The following TMEM200A variants were observed in gnomAD, a reference collection of about 807,000 sequenced individuals.
TMEM200A encodes the protein transmembrane protein 200A.
TMEM200A carries 12 observed loss-of-function variants against 24.3 expected under a neutral mutation model. That is an observed-to-expected ratio of 0.49 (90% CI 0.32 to 0.80). The LOEUF is 0.80. Ranked by LOEUF, TMEM200A falls within the 30% of genes least tolerant of loss-of-function variation. TMEM200A has a pLI of 0.04. For missense variants in TMEM200A, 545 were observed against 614.4 expected (o/e 0.89, Z 1.19); for synonymous variants, 224 against 224.4 (o/e 1.00, Z 0.02).
At chr6:130,399,607 A>G in intron 2 of TMEM200A, among the ~76,000 whole-genome samples, 1 of 145,358 alleles carries the variant, frequency 6.9e-6, no homozygotes, top group East Asian at 1.9e-4. Context: ...ATAGTATACT[A>G]TTTTCTACTT....
rs149163353 is a variant in TMEM200A at position 130,387,540 on chromosome 6, T to C, written c.-17+2304T>C. The stretch of plus-strand genomic sequence containing the variant: ...CGCCTGCCTCGGCCTCCCAAAGTGC[T>C]GGGATTACAGGCATGAGTCACCACA... On this transcript the variant is annotated intron_variant, in intron 2 of 2. Transcript: ENST00000296978. Among the ~76,000 whole-genome samples the C allele has an allele frequency of 3.8e-3, 580 of 152,364 alleles. 6 individuals are homozygous for C. The highest frequency in any genetic ancestry group is 0.013 in the African/African-American group (545 of 41,590).
chr6:130,419,351 T>C (rs183272948), intron 2 of TMEM200A, among the ~76,000 whole-genome samples: 33 of 152,338 alleles, frequency 2.2e-4, no homozygotes, highest in Non-Finnish European at 4.6e-4. Context: ...TCCATATCTT[T>C]GCTATTGTGA....
intron 1 of TMEM200A, among the ~76,000 whole-genome samples, chr6:130,374,418 G>GTT (rs760281727): frequency 1.3e-4 from 11 of 81,898 alleles, no homozygotes; most frequent in African/African-American, 8.7e-4. Context: ...TTTTGTTTTT[G>GTT]TTTTTTTTTT....
At chr6:130,383,865 C>G (rs150664014) in intron 1 of TMEM200A, among the ~76,000 whole-genome samples, 7 of 152,172 alleles carry the variant, frequency 4.6e-5, no homozygotes, top group African/African-American at 1.4e-4. Context: ...TGCCTGTAAT[C>G]CCAGCACTTT....
chr6:130,436,548 G>A (rs528573580), intron 2 of TMEM200A, among the ~76,000 whole-genome samples: 4 of 145,796 alleles, frequency 2.7e-5, no homozygotes, highest in Non-Finnish European at 6.0e-5. Context: ...TGTACCAATT[G>A]GCATTACAGT....
chr6:130,440,679 A>C lies in TMEM200A; in HGVS notation c.257A>C (p.Gln86Pro). 2.5e-6 allele frequency: 4 copies of C among 1,613,778 alleles called. No homozygotes were observed. Among genetic ancestry groups the C allele is most frequent in the Middle Eastern group, 1.7e-4 (1 of 6,058 alleles). ...IAMAVLGYWP[Q>P]KEHFIDAETT... ...ATGGCCGTTCTTGGATATTGGCCCC[A>C]AAAAGAACATTTTATTGATGCTGAA... Residue 86 changes from glutamine (Q) to proline (P), a missense_variant, in exon 3 of 3, where the codon CAA (glutamine) becomes CCA (proline). Gln to Pro is a moderately conservative substitution (Grantham distance 76). Transcript: ENST00000296978.
At chr6:130,413,477 G>T (rs553599875) in intron 2 of TMEM200A, among the ~76,000 whole-genome samples, 3 of 152,096 alleles carry the variant, frequency 2.0e-5, no homozygotes, top group African/African-American at 7.2e-5. Context: ...TTCTTCCTAC[G>T]CTCAGTCTTC....
At position 130,441,053 on chromosome 6, in the gene TMEM200A, G is replaced by T. The variant is rs13215027; in HGVS notation, c.631G>T (p.Ala211Ser). The T allele has an allele frequency of 3.1e-6, 5 of 1,613,798 alleles. No homozygotes were observed. The African/African-American group carries it at 4.0e-5, about 13-fold the overall frequency. ...CTCGAGATTGGCAGCAAATACGATCGCCTCTTTCTCGGGTTTTCGGAGCAG... is the reference window on the plus strand; with the variant it reads ...CTCGAGATTGGCAGCAAATACGATCTCCTCTTTCTCGGGTTTTCGGAGCAG... ...CASRLAANTI[A>S]SFSGFRSSFR... The change falls in exon 3 of 3, where the codon GCC becomes TCC. Residue 211 changes from alanine (A) to serine (S), a missense_variant. Ala to Ser is a moderately conservative substitution (Grantham distance 99). Coordinates refer to ENST00000296978, the MANE Select transcript of TMEM200A (RefSeq NM_001258277.2).
In TMEM200A at chr6:130,440,658, C is replaced by T; in HGVS notation, c.236C>T (p.Ala79Val). The change falls in exon 3 of 3, where the codon GCC becomes GTC. Residue 79 changes from alanine to valine, a missense_variant. Ala to Val is a moderately conservative substitution (Grantham distance 64). Coordinates refer to ENST00000296978, the MANE Select transcript of TMEM200A (RefSeq NM_001258277.2). Reference sequence around the variant, plus strand: ...ATCTCCATTATAGGAATTGCTATGGCCGTTCTTGGATATTGGCCCCAAAAA... The same window carrying T: ...ATCTCCATTATAGGAATTGCTATGGTCGTTCTTGGATATTGGCCCCAAAAA... ...VLISIIGIAM[A>V]VLGYWPQKEH... The T allele has an allele frequency of 1.2e-6, 2 of 1,613,836 alleles. No individual in the cohort carries two copies. The highest frequency in any genetic ancestry group is 1.7e-6 in the Non-Finnish European group (2 of 1,179,738).
At chr6:130,371,386 G>T (rs905595689) in intron 1 of TMEM200A, among the ~76,000 whole-genome samples, 1 of 152,126 alleles carries the variant, frequency 6.6e-6, no homozygotes. Context: ...AGGTTATGAG[G>T]CCATTAAGCA....
chr6:130,378,337 C>T (rs913868216), intron 1 of TMEM200A, among the ~76,000 whole-genome samples: 1 of 151,746 alleles, frequency 6.6e-6, no homozygotes, highest in African/African-American at 2.4e-5. Flanking sequence ...GATTAAAATC[C>T]CAGGTGTCTG....
chr6:130,436,211 C>A (rs1240100599), intron 2 of TMEM200A, among the ~76,000 whole-genome samples: 1 of 152,148 alleles, frequency 6.6e-6, no homozygotes, highest in South Asian at 2.1e-4. Context: ...CCTCAGTAAC[C>A]TGAAAAATAG....
At chr6:130,380,210 C>A (rs1778562545) in intron 1 of TMEM200A, among the ~76,000 whole-genome samples, 1 of 152,124 alleles carries the variant, frequency 6.6e-6, no homozygotes, top group Non-Finnish European at 1.5e-5. Flanking sequence ...CATAGTCGTA[C>A]CTTCACAATA....
At chr6:130,383,495 GTTCCCA>G (rs201160265) in intron 1 of TMEM200A, among the ~76,000 whole-genome samples, 4,142 of 152,244 alleles carry the variant, frequency 0.027, 74 homozygotes, top group Non-Finnish European at 0.041. Flanking sequence ...AAATAATCTG[GTTCCCA>G]TAGCCATCTT....
At chr6:130,413,137 A>C (rs1237431249) in intron 2 of TMEM200A, among the ~76,000 whole-genome samples, 2 of 152,222 alleles carry the variant, frequency 1.3e-5, no homozygotes, top group East Asian at 3.8e-4. Context: ...TAAACAGAAC[A>C]AAAGTGTAAG....
rs1258363153 is a variant in TMEM200A, at chr6:130,379,287, AGAG to A, written c.-80-5882_-80-5880del. 2.0e-5 allele frequency among the ~76,000 whole-genome samples: 3 copies of A among 151,706 alleles called. No homozygotes were observed. In the East Asian group the frequency reaches 5.8e-4, roughly 29 times the overall value. ...AAAAATTACAATTTAGAAAAGGAGA[AGAG>A]GAGACTTTCTTTCTCATAAAGGGTT... is the stretch of plus-strand genomic sequence containing the variant. On this transcript the variant is annotated intron_variant, in intron 1 of 2. Coordinates refer to ENST00000296978, the MANE Select transcript of TMEM200A (RefSeq NM_001258277.2).
chr6:130,394,561 T>G (rs1336101284), intron 2 of TMEM200A, among the ~76,000 whole-genome samples: 1 of 152,226 alleles, frequency 6.6e-6, no homozygotes, highest in Non-Finnish European at 1.5e-5. Flanking sequence ...TACCAGTTTC[T>G]TTATATGTGG....
chr6:130,409,036 G>T (rs1465252037), intron 2 of TMEM200A, among the ~76,000 whole-genome samples: 1 of 152,108 alleles, frequency 6.6e-6, no homozygotes, highest in Admixed American at 6.5e-5. Flanking sequence ...CCTCTAATGG[G>T]CAGTCCTTGT....
At chr6:130,436,271 G>T (rs1282504795) in intron 2 of TMEM200A, among the ~76,000 whole-genome samples, 6 of 152,018 alleles carry the variant, frequency 3.9e-5, no homozygotes, top group Non-Finnish European at 5.9e-5. Context: ...AAATGTTTTT[G>T]TACTAAAGCA....
Sources: gnomAD v4.1 joint callset for allele counts (sites outside exome capture counted in the v4.1 genomes callset) on GRCh38, gnomAD v4.1.1 for gene constraint, MANE v1.5 for transcripts, NCBI Gene and HGNC (gene_info 2026-07-23, HGNC 2026-07-21) for gene names.